The following PSD3 variants were observed in gnomAD, a reference collection of about 807,000 sequenced individuals.
The protein encoded by PSD3 is PH and SEC7 domain-containing protein 3.
A neutral mutation model predicts 105.5 loss-of-function variants in PSD3; 49 were observed. The ratio of observed to expected loss-of-function variants is 0.46; its 90% CI spans 0.37 to 0.59. The LOEUF is 0.59. Among genes scored for constraint, PSD3 ranks in the 20% least tolerant of loss-of-function variants. The pLI, the probability that PSD3 is intolerant of heterozygous loss-of-function variation, is 0.00. For missense variants in PSD3, 1,561 were observed against 1,263.8 expected (o/e 1.24, Z -3.57); for synonymous variants, 557 against 457.8 (o/e 1.22, Z -2.77).
At chr8:18,844,734 C>T (rs571258339) in intron 4 of PSD3, among the ~76,000 whole-genome samples, 1 of 152,304 alleles carries the variant, frequency 6.6e-6, no homozygotes, top group East Asian at 1.9e-4. Context: ...AGCACAAAAA[C>T]CAATGTGTAA....
At chr8:18,655,830 T>C (rs1808848168) in intron 9 of PSD3, 145 bp from the exon 10 acceptor site, 2 of 691,954 alleles carry the variant, frequency 2.9e-6, no homozygotes, top group Middle Eastern at 2.4e-4. Context: ...AGGTGAAGAA[T>C]ACATGGGGAG....
intron 1 of PSD3, among the ~76,000 whole-genome samples, chr8:19,061,673 G>T (rs1828900389): frequency 6.6e-6 from 1 of 151,924 alleles, no homozygotes; most frequent in East Asian, 1.9e-4. Context: ...GGTGTGGTGG[G>T]GTGTGCCTGT....
chr8:19,078,145 C>A (rs1829519245), intron 1 of PSD3, among the ~76,000 whole-genome samples: 1 of 152,096 alleles, frequency 6.6e-6, no homozygotes, highest in South Asian at 2.1e-4. Context: ...AGATTCCTTC[C>A]TCGGCCTCCC....
chr8:18,877,562 G>C (rs1180390842), intron 2 of PSD3, among the ~76,000 whole-genome samples: 1 of 98,068 alleles, frequency 1.0e-5, no homozygotes, highest in Non-Finnish European at 2.2e-5. Context: ...TTTTCTTTTT[G>C]ACAGGATCTC....
chr8:18,653,639 T>A (rs1808683519), intron 10 of PSD3, among the ~76,000 whole-genome samples: 1 of 152,102 alleles, frequency 6.6e-6, no homozygotes, highest in Admixed American at 6.6e-5. Context: ...TCTGCTAACT[T>A]CACAAGAAGA....
chr8:18,834,186 T>C (rs1043700047), intron 4 of PSD3, among the ~76,000 whole-genome samples: 4 of 152,204 alleles, frequency 2.6e-5, no homozygotes, highest in African/African-American at 9.6e-5. Flanking sequence ...GAAGAAAATA[T>C]ATTTGAATGT....
intron 9 of PSD3, among the ~76,000 whole-genome samples, chr8:18,742,677 TG>T (rs531716469): frequency 6.5e-4 from 99 of 152,348 alleles, no homozygotes; most frequent in African/African-American, 2.1e-3. Flanking sequence ...ACTTCAGTCC[TG>T]GAGATTACAT....
At chr8:18,884,403 A>G (rs890296681) in intron 2 of PSD3, among the ~76,000 whole-genome samples, 4 of 152,256 alleles carry the variant, frequency 2.6e-5, no homozygotes, top group African/African-American at 7.2e-5. Flanking sequence ...CCAGCAATAG[A>G]AAATAAATTT....
chr8:19,067,227 A>G (rs1209861988), intron 1 of PSD3, among the ~76,000 whole-genome samples: 1 of 152,162 alleles, frequency 6.6e-6, no homozygotes, highest in Non-Finnish European at 1.5e-5. Context: ...TAGTAATAGT[A>G]ACTAATAGTA....
intron 10 of PSD3, among the ~76,000 whole-genome samples, chr8:18,654,663 C>T (rs1808755992): frequency 6.6e-6 from 1 of 152,204 alleles, no homozygotes. Context: ...CTATATGTCA[C>T]TGTCAAAGAG....
In PSD3 at chr8:18,730,142, A is replaced by G. The variant is rs536004875; in HGVS notation, c.2172+35307T>C. On this transcript the variant is annotated intron_variant, in intron 9 of 15. Coordinates refer to ENST00000327040, the MANE Select transcript of PSD3 (RefSeq NM_015310.4). ...TAATATGCTGTGTTTTTCCCAAGGC[A>G]CCACTTCTTTTGAGATATTTTGACT... The G allele has an allele frequency of 5.9e-5, 9 of 152,260 alleles. No homozygotes were observed. In the East Asian group the frequency reaches 1.7e-3, roughly 29 times the overall value. The allele number at this position is 152,260 out of a possible 1,614,324, so 9.4% of individuals were successfully genotyped here. A position where few individuals can be genotyped will look rare whatever the true frequency, so the allele number is the denominator to read the frequency against.
chr8:18,874,227 T>A (rs1304269214), intron 2 of PSD3, among the ~76,000 whole-genome samples: 1 of 152,036 alleles, frequency 6.6e-6, no homozygotes, highest in African/African-American at 2.4e-5. Flanking sequence ...AGTGGTACGA[T>A]CTCGGTTCAC....
intron 11 of PSD3, among the ~76,000 whole-genome samples, chr8:18,624,549 G>T (rs1480784034): frequency 1.1e-5 from 1 of 93,570 alleles, no homozygotes; most frequent in South Asian, 4.9e-4. Flanking sequence ...GGTGGGGGGA[G>T]GGGGGAGGGA....
Position 18,846,146 on chromosome 8 carries a change from A to G in PSD3, c.1634+21528T>C, listed in dbSNP as rs527921102. Among the ~76,000 whole-genome samples, 16 of 152,350 alleles carry G rather than the reference A, an allele frequency of 1.1e-4. 1 individual carries two copies. The South Asian group carries it at 3.3e-3, about 32-fold the overall frequency. ...TTGCAGATTCCCTCATGATCAAAAAACATTCTTAATAAGCCATTTAACGCA... is the reference window on the plus strand; with the variant it reads ...TTGCAGATTCCCTCATGATCAAAAAGCATTCTTAATAAGCCATTTAACGCA... On this transcript the variant is annotated intron_variant, in intron 4 of 15. Transcript: ENST00000327040.
At chr8:18,914,731 G>A (rs955945518) in intron 2 of PSD3, among the ~76,000 whole-genome samples, 1 of 152,124 alleles carries the variant, frequency 6.6e-6, no homozygotes, top group Non-Finnish European at 1.5e-5. Flanking sequence ...TAAATGGAAA[G>A]ATATCCCATG....
chr8:18,960,462 C>A (rs553781378), intron 1 of PSD3, among the ~76,000 whole-genome samples: 1 of 152,100 alleles, frequency 6.6e-6, no homozygotes, highest in East Asian at 1.9e-4. Context: ...AAAGCAGAAA[C>A]CATAAAATAA....
rs897746605 is a variant in PSD3 at position 18,824,867 on chromosome 8, C to A, written c.1635-19969G>T. 1.3e-4 allele frequency among the ~76,000 whole-genome samples: 20 copies of A among 152,252 alleles called. No homozygotes were observed. The East Asian group carries it at 2.9e-3, about 22-fold the overall frequency. On this transcript the variant is annotated intron_variant, in intron 4 of 15. Coordinates refer to ENST00000327040, the MANE Select transcript of PSD3 (RefSeq NM_015310.4). Reference sequence around the variant, plus strand: ...AGGGCATACACGAGTCCAGCATCATCCTTTTAGTCAAGTATTTGAACAAAC... The same window carrying A: ...AGGGCATACACGAGTCCAGCATCATACTTTTAGTCAAGTATTTGAACAAAC...
intron 1 of PSD3, among the ~76,000 whole-genome samples, chr8:19,011,047 C>T (rs1164543632): frequency 6.6e-6 from 1 of 151,680 alleles, no homozygotes; most frequent in African/African-American, 2.4e-5. Context: ...TACAGTCTGA[C>T]CCAACTTCAA....
intron 2 of PSD3, among the ~76,000 whole-genome samples, chr8:18,885,670 A>T (rs1216183821): frequency 2.0e-5 from 3 of 152,190 alleles, no homozygotes; most frequent in African/African-American, 7.2e-5. Context: ...AGTAGTTTTC[A>T]TGCTCAATAA....
Sources: gnomAD v4.1 joint callset for allele counts (sites outside exome capture counted in the v4.1 genomes callset) on GRCh38, gnomAD v4.1.1 for gene constraint, MANE v1.5 for transcripts, NCBI Gene and HGNC (gene_info 2026-07-23, HGNC 2026-07-21) for gene names.